The following AACS variants were observed in gnomAD, a reference collection of about 807,000 sequenced individuals.
AACS encodes the protein acetoacetyl-CoA synthetase.
Under a neutral mutation model 83.1 loss-of-function variants are expected in AACS, and 69 were observed. That is an observed-to-expected ratio of 0.83 (90% CI 0.68 to 1.01). The LOEUF (loss-of-function observed/expected upper bound fraction) is 1.01, where lower values mean the gene tolerates loss of function less well. Ranked by LOEUF, AACS falls within the 50% of genes least tolerant of loss-of-function variation. The pLI is 0.00. For synonymous variants in AACS, 333 were observed against 343.4 expected, an observed-to-expected ratio of 0.97 and a Z score of 0.33; for missense variants, 866 against 882.2, an observed-to-expected ratio of 0.98 and a Z score of 0.23.
intron 8 of AACS, among the ~76,000 whole-genome samples, chr12:125,112,878 G>T (rs898335767): frequency 1.3e-5 from 2 of 152,154 alleles, no homozygotes; most frequent in Non-Finnish European, 2.9e-5. Context: ...CAAACCATCA[G>T]ATCGCATGAG....
In AACS at chr12:125,129,504, G is replaced by C. The variant is rs1353094039; in HGVS notation, c.1549+44G>C. 1.9e-6 allele frequency: 3 copies of C among 1,600,002 alleles called. No individual in the cohort carries two copies. The highest frequency in any genetic ancestry group is 2.6e-6 in the Non-Finnish European group (3 of 1,173,320). ...GACAGAGCTGGCCAGCCTCTGCCTT[G>C]GCTGGGCCTTCTGTGTCTAATTCTG... On this transcript the variant is annotated intron_variant, in intron 14 of 17. Coordinates refer to ENST00000316519, the MANE Select transcript of AACS (RefSeq NM_023928.5). The surrounding 1 kb of genome is among the most constrained non-coding windows in gnomAD (Gnocchi z 4.3).
chr12:125,076,422 T>C, intron 2 of AACS, 69 bp from the exon 3 acceptor site: 1 of 1,574,880 alleles, frequency 6.3e-7, no homozygotes, highest in Non-Finnish European at 8.7e-7. Flanking sequence ...TGTGACATAG[T>C]CTCATGTTTT....
intron 2 of AACS, 148 bp downstream of exon 2, chr12:125,074,127 A>G (rs1955953745): frequency 5.9e-6 from 4 of 681,092 alleles, no homozygotes; most frequent in Non-Finnish European, 1.0e-5. Flanking sequence ...CTGGCATTAA[A>G]TTATCACAGA....
intron 5 of AACS, among the ~76,000 whole-genome samples, chr12:125,100,659 G>A (rs946445567): frequency 6.6e-6 from 1 of 152,200 alleles, no homozygotes; most frequent in African/African-American, 2.4e-5. Context: ...TCACACCTCA[G>A]GATCATCTGG....
chr12:125,139,590 G>A (rs1957450862), intron 17 of AACS: 1 of 152,336 alleles, frequency 6.6e-6, no homozygotes. Flanking sequence ...CTCACCGTCA[G>A]CCTTCATTCG....
At chr12:125,068,645 C>G (rs1955770569) in intron 1 of AACS, among the ~76,000 whole-genome samples, 1 of 152,130 alleles carries the variant, frequency 6.6e-6, no homozygotes, top group Admixed American at 6.6e-5. Context: ...TCTTACCACT[C>G]TTGAAGGTGA....
At chr12:125,087,978 C>A (rs1190160627) in intron 4 of AACS, among the ~76,000 whole-genome samples, 1 of 152,184 alleles carries the variant, frequency 6.6e-6, no homozygotes, top group African/African-American at 2.4e-5. Context: ...AGAGGCCGTT[C>A]CTGGTTAGCC....
chr12:125,129,567 G>A lies in AACS; in HGVS notation c.1549+107G>A. On this transcript the variant is annotated intron_variant, in intron 14 of 17. Coordinates refer to ENST00000316519, the MANE Select transcript of AACS (RefSeq NM_023928.5). The surrounding 1 kb of genome is among the most constrained non-coding windows in gnomAD (Gnocchi z 4.3). ...CCTCCCCTCTTCCTTCCCCCACCAG[G>A]GCTTGGAGAAGCTGCTTATAGTTCA... The A allele has an allele frequency of 1.4e-6, 2 of 1,421,590 alleles. No individual in the cohort carries two copies. Among genetic ancestry groups the A allele is most frequent in the Non-Finnish European group, 1.9e-6 (2 of 1,055,310 alleles). The allele number at this position is 1,421,590 out of a possible 1,614,324, so 88.1% of individuals were successfully genotyped here.
Position 125,128,160 on chromosome 12 carries a change from G to A in AACS, c.1310-1G>A. ...GAGTCTCCCTTTGCCATTGCTTGCA[G>A]GAGGCACCGACATCATCTCCTGCTT... On this transcript the variant is annotated splice_acceptor_variant, in intron 12 of 17. Transcript: ENST00000316519. LOFTEE classifies it high-confidence loss of function. 6.2e-7 allele frequency: 1 copy of A among 1,606,678 alleles called. No homozygotes were observed. Among genetic ancestry groups the A allele is most frequent in the Non-Finnish European group, 8.5e-7 (1 of 1,175,010 alleles).
rs201396105 is a variant in AACS, at chr12:125,090,230, TTATG to T, written c.473-1195_473-1192del. Among the ~76,000 whole-genome samples the T allele has an allele frequency of 2.0e-3, 227 of 113,254 alleles. 13 individuals carry two copies. Among genetic ancestry groups the T allele is most frequent in the Middle Eastern group, 5.7e-3 (1 of 176 alleles). 74.3% of individuals were successfully genotyped at this position (113,254 alleles called of 152,430 possible). On this transcript the variant is annotated intron_variant, in intron 4 of 17. Transcript: ENST00000316519. ...CATTATCCATCTATCCATCCATTTA[TTATG>T]CTTCCACCCATCATCTACCCATTCA...
At position 125,129,603 on chromosome 12, in the gene AACS, G is replaced by T. The variant is rs956793464; in HGVS notation, c.1549+143G>T. ...GCTGCTTATAGTTCATTCCGCCAGT[G>T]GGGGGATAATGAATTTTTGATCAAT... On this transcript the variant is annotated intron_variant, in intron 14 of 17. Coordinates refer to ENST00000316519, the MANE Select transcript of AACS (RefSeq NM_023928.5). The surrounding 1 kb of genome is among the most constrained non-coding windows in gnomAD (Gnocchi z 4.3). 6 of 1,087,804 alleles carry T rather than the reference G, an allele frequency of 5.5e-6. No homozygotes were observed. Among genetic ancestry groups the T allele is most frequent in the African/African-American group, 1.6e-5 (1 of 62,558 alleles). 67.4% of individuals were successfully genotyped at this position (1,087,804 alleles called of 1,614,324 possible).
intron 8 of AACS, among the ~76,000 whole-genome samples, chr12:125,110,349 G>A (rs967456845): frequency 6.6e-6 from 1 of 152,092 alleles, no homozygotes; most frequent in South Asian, 2.1e-4. Flanking sequence ...GGGATTACAG[G>A]CCTGAGCCGT....
intron 14 of AACS, 97 bp from the exon 15 acceptor site, chr12:125,133,906 C>A: frequency 8.0e-7 from 1 of 1,243,706 alleles, no homozygotes; most frequent in South Asian, 1.3e-5. Context: ...CCTCTGGGCC[C>A]CAGTGATGTC....
Position 125,134,836 on chromosome 12 carries a change from G to A in AACS, c.1662G>A (p.Ser554=), listed in dbSNP as rs143787385. The A allele has an allele frequency of 4.8e-4, 769 of 1,614,098 alleles. 8 individuals carry two copies. The African/African-American group carries it at 9.1e-3, about 19-fold the overall frequency. The change falls in exon 16 of 18, where the codon TCG becomes TCA. Residue 554 remains serine (S), a synonymous_variant. Coordinates refer to ENST00000316519, the MANE Select transcript of AACS (RefSeq NM_023928.5). The part of the protein sequence containing the change: ...LNPNGVRFGS[S]EIYNIVESFE... ...CCAACGGGGTGCGGTTCGGCAGCTCGGAAATCTATAACATTGGTACGTGCT... is the reference window on the plus strand; with the variant it reads ...CCAACGGGGTGCGGTTCGGCAGCTCAGAAATCTATAACATTGGTACGTGCT...
intron 3 of AACS, among the ~76,000 whole-genome samples, chr12:125,085,593 C>T (rs574303238): frequency 3.3e-5 from 5 of 152,252 alleles, no homozygotes; most frequent in Admixed American, 1.3e-4. Context: ...ACGTCTGTTT[C>T]GTGGAACTAC....
chr12:125,108,002 C>T (rs117222896), intron 8 of AACS, among the ~76,000 whole-genome samples: 4,046 of 152,176 alleles, frequency 0.027, 100 homozygotes, highest in Admixed American at 0.046. Flanking sequence ...AGAATAGGCT[C>T]ATAAGAGGTA....
chr12:125,071,120 G>A (rs1472327507), intron 1 of AACS, among the ~76,000 whole-genome samples: 6 of 152,216 alleles, frequency 3.9e-5, no homozygotes, highest in Non-Finnish European at 1.5e-5. Flanking sequence ...CTCACATGGC[G>A]GTAAGTTAGT....
At chr12:125,116,849 CTCCCTCCCTTCCTTCCCCTTCCTT>C (rs976886216) in intron 9 of AACS, among the ~76,000 whole-genome samples, 1 of 149,750 alleles carries the variant, frequency 6.7e-6, no homozygotes, top group African/African-American at 2.5e-5. Context: ...GTGACCCACC[CTCCCTCCCTTCCTTCCCCTTCCTT>C]TCCCTCCCTT....
intron 1 of AACS, among the ~76,000 whole-genome samples, chr12:125,072,010 A>G (rs1401401756): frequency 6.6e-6 from 1 of 151,940 alleles, no homozygotes; most frequent in Non-Finnish European, 1.5e-5. Flanking sequence ...GGCATGCACC[A>G]CCACACCTAG....
Sources: allele counts gnomAD v4.1 joint callset (sites outside exome capture counted in the v4.1 genomes callset), GRCh38; gene constraint gnomAD v4.1.1; non-coding constraint Gnocchi (gnomAD v3.1); transcripts MANE v1.5; gene names NCBI Gene and HGNC (gene_info 2026-07-23, HGNC 2026-07-21).